Variants in HS3ST4 observed in about 807,000 individuals in gnomAD.
The protein encoded by HS3ST4 is heparan sulfate glucosamine 3-O-sulfotransferase 4.
HS3ST4 carries 17 observed loss-of-function variants against 29.2 expected under a neutral mutation model. The ratio of observed to expected loss-of-function variants is 0.58; its 90% CI spans 0.40 to 0.87. The LOEUF (loss-of-function observed/expected upper bound fraction) is 0.87, where lower values mean the gene tolerates loss of function less well. HS3ST4 is among the 40% of genes least tolerant of loss of function. The pLI is 0.00. For missense variants in HS3ST4, 627 were observed against 634.5 expected (o/e 0.99, Z 0.13); for synonymous variants, 314 against 285.7 (o/e 1.10, Z -1.00).
chr16:26,003,495 T>C (rs1969230416), intron 1 of HS3ST4, among the ~76,000 whole-genome samples: 2 of 152,194 alleles, frequency 1.3e-5, no homozygotes, highest in African/African-American at 4.8e-5. Flanking sequence ...TCCTGTTGAC[T>C]TTATTCTCAG....
chr16:25,797,214 T>G (rs1188003825), intron 1 of HS3ST4, among the ~76,000 whole-genome samples: 1 of 152,240 alleles, frequency 6.6e-6, no homozygotes, highest in East Asian at 1.9e-4. Context: ...ACTTTATCCA[T>G]GTAACTTCTC....
At chr16:25,702,469 G>A (rs922585268) in intron 1 of HS3ST4, among the ~76,000 whole-genome samples, 1 of 152,144 alleles carries the variant, frequency 6.6e-6, no homozygotes, top group African/African-American at 2.4e-5. Flanking sequence ...ACTAAGGGGC[G>A]CTGGAGAGGA....
intron 1 of HS3ST4, among the ~76,000 whole-genome samples, chr16:25,978,735 T>C (rs1968970182): frequency 6.6e-6 from 1 of 152,214 alleles, no homozygotes; most frequent in Non-Finnish European, 1.5e-5. Flanking sequence ...GCATTCTTTT[T>C]ATGGCTTGCA....
intron 1 of HS3ST4, among the ~76,000 whole-genome samples, chr16:26,049,602 A>G (rs1486052932): frequency 6.6e-6 from 1 of 152,004 alleles, no homozygotes; most frequent in Admixed American, 6.6e-5. Flanking sequence ...TCCCCCACAC[A>G]CCAAGCAAGC....
chr16:25,891,748 A>G (rs529479479), intron 1 of HS3ST4, among the ~76,000 whole-genome samples: 21 of 152,110 alleles, frequency 1.4e-4, no homozygotes, highest in African/African-American at 5.1e-4. Context: ...ATCTTTGGGG[A>G]CTCTAGTCTG....
At chr16:25,939,304 TTTATTATTATTATTATTATTATTATCA>T (rs1206381320) in intron 1 of HS3ST4, among the ~76,000 whole-genome samples, 3 of 114,580 alleles carry the variant, frequency 2.6e-5, no homozygotes, top group African/African-American at 1.0e-4. Context: ...GCTGACAGCA[TTTATTATTATTATTATTATTATTATCA>T]TTATTATTAT....
At chr16:25,796,085 C>T (rs1487891210) in intron 1 of HS3ST4, among the ~76,000 whole-genome samples, 2 of 152,184 alleles carry the variant, frequency 1.3e-5, no homozygotes, top group South Asian at 2.1e-4. Context: ...GATATTTCCT[C>T]CTCAAGCCCT....
intron 1 of HS3ST4, among the ~76,000 whole-genome samples, chr16:26,066,938 A>G (rs928036345): frequency 1.3e-5 from 2 of 152,204 alleles, no homozygotes; most frequent in African/African-American, 4.8e-5. Context: ...TATGTAGTAA[A>G]TAATCATTGG....
chr16:25,761,156 G>A (rs1045088821), intron 1 of HS3ST4, among the ~76,000 whole-genome samples: 1 of 152,180 alleles, frequency 6.6e-6, no homozygotes, highest in Non-Finnish European at 1.5e-5. Flanking sequence ...GGCCTGGTCA[G>A]GACCCACCTG....
chr16:25,918,805 C>CA (rs1210185886), intron 1 of HS3ST4, among the ~76,000 whole-genome samples: 1 of 151,852 alleles, frequency 6.6e-6, no homozygotes, highest in Admixed American at 6.6e-5. Context: ...GACTCCGTCT[C>CA]AAAAAAACAA....
At chr16:25,954,866 T>C (rs1968714252) in intron 1 of HS3ST4, among the ~76,000 whole-genome samples, 1 of 152,220 alleles carries the variant, frequency 6.6e-6, no homozygotes, top group Non-Finnish European at 1.5e-5. Flanking sequence ...ATTCTCAACC[T>C]GTCTAATGCC....
At chr16:26,081,450 G>A (rs952491321) in intron 1 of HS3ST4, among the ~76,000 whole-genome samples, 1 of 152,204 alleles carries the variant, frequency 6.6e-6, no homozygotes, top group African/African-American at 2.4e-5. Context: ...ACTCTGTGAG[G>A]TGCTGAAGAG....
chr16:26,063,515 G>GAA (rs779275463), intron 1 of HS3ST4, among the ~76,000 whole-genome samples: 7 of 125,848 alleles, frequency 5.6e-5, no homozygotes, highest in Non-Finnish European at 1.0e-4. Context: ...TGTCTCTACT[G>GAA]AAAAAAAAAA....
At chr16:26,028,380 A>G (rs1596649292) in intron 1 of HS3ST4, among the ~76,000 whole-genome samples, 1 of 152,272 alleles carries the variant, frequency 6.6e-6, no homozygotes, top group East Asian at 1.9e-4. Context: ...GATCATAAAG[A>G]TAAAGATAAC....
At chr16:26,060,755 A>G (rs549884960) in intron 1 of HS3ST4, among the ~76,000 whole-genome samples, 2 of 152,088 alleles carry the variant, frequency 1.3e-5, no homozygotes, top group Non-Finnish European at 2.9e-5. Flanking sequence ...AGCAGTTTCT[A>G]TTTCTCTTTG....
At chr16:25,963,573 C>A (rs958522861) in intron 1 of HS3ST4, among the ~76,000 whole-genome samples, 4 of 152,230 alleles carry the variant, frequency 2.6e-5, no homozygotes, top group African/African-American at 9.6e-5. Flanking sequence ...CTCGACAGAA[C>A]AAATATCTTC....
intron 1 of HS3ST4, among the ~76,000 whole-genome samples, chr16:26,112,687 GA>G (rs202029686): frequency 6.6e-6 from 1 of 150,756 alleles, no homozygotes; most frequent in Non-Finnish European, 1.5e-5. Flanking sequence ...AAATAAAAAA[GA>G]AAAAAAACAA....
At chr16:25,922,959 AAGGGCCTGTT>A (rs1968368210) in intron 1 of HS3ST4, among the ~76,000 whole-genome samples, 1 of 152,180 alleles carries the variant, frequency 6.6e-6, no homozygotes. Flanking sequence ...TTTTCCTCTG[AAGGGCCTGTT>A]GGAGCGGCAG....
At chr16:25,932,112 A>G (rs1472086662) in intron 1 of HS3ST4, among the ~76,000 whole-genome samples, 1 of 152,226 alleles carries the variant, frequency 6.6e-6, no homozygotes, top group Non-Finnish European at 1.5e-5. Context: ...TTAGGAGTTC[A>G]AGACCAGACT....
Sources: allele counts gnomAD v4.1 joint callset (sites outside exome capture counted in the v4.1 genomes callset), GRCh38; gene constraint gnomAD v4.1.1; transcripts MANE v1.5; gene names NCBI Gene and HGNC (gene_info 2026-07-23, HGNC 2026-07-21).